The following TEAD4 variants were observed in gnomAD, a reference collection of about 807,000 sequenced individuals.
TEAD4 encodes TEA domain transcription factor 4.
A neutral mutation model predicts 52.4 loss-of-function variants in TEAD4; 36 were observed. That is an observed-to-expected ratio of 0.69 (90% CI 0.53 to 0.91). TEAD4 has a LOEUF of 0.91. TEAD4 is among the 40% of genes least tolerant of loss of function. The pLI is 0.00. For missense variants in TEAD4, 508 were observed against 583.9 expected (o/e 0.87, Z 1.34); for synonymous variants, 220 against 231.0 (o/e 0.95, Z 0.43).
intron 10 of TEAD4, among the ~76,000 whole-genome samples, chr12:3,034,661 A>G (rs2098278205): frequency 6.6e-6 from 1 of 152,246 alleles, no homozygotes; most frequent in African/African-American, 2.4e-5. Context: ...GCCCAGGCTC[A>G]GTGGCTCATT....
At chr12:3,011,324 G>A (rs1416364419) in intron 4 of TEAD4, among the ~76,000 whole-genome samples, 1 of 152,072 alleles carries the variant, frequency 6.6e-6, no homozygotes, top group Non-Finnish European at 1.5e-5. Flanking sequence ...TTCTCCTCCT[G>A]GGTTCAAGTG....
intron 3 of TEAD4, among the ~76,000 whole-genome samples, chr12:3,008,627 C>T (rs539234376): frequency 1.3e-5 from 2 of 152,132 alleles, no homozygotes; most frequent in East Asian, 3.9e-4. Flanking sequence ...CTGGAGGGTG[C>T]GGTGGTGCAC....
chr12:3,017,886 C>T (rs777100161), intron 6 of TEAD4, among the ~76,000 whole-genome samples: 73 of 152,320 alleles, frequency 4.8e-4, no homozygotes, highest in Non-Finnish European at 4.1e-4. Context: ...CTGGGCAGCT[C>T]GTGCCACGCA....
At chr12:3,031,608 G>A (rs1364131814) in intron 10 of TEAD4, among the ~76,000 whole-genome samples, 1 of 152,240 alleles carries the variant, frequency 6.6e-6, no homozygotes, top group African/African-American at 2.4e-5. Context: ...GGGCACTCCT[G>A]TTGGATACAT....
chr12:3,019,036 C>T (rs2098266690), intron 7 of TEAD4, 79 bp from the exon 8 acceptor site: 1 of 1,558,250 alleles, frequency 6.4e-7, no homozygotes, highest in Non-Finnish European at 8.8e-7. Flanking sequence ...ACCTACCACA[C>T]AGACCACTGG....
Position 2,997,806 on chromosome 12 carries a change from G to C in TEAD4, c.226+2814G>C, listed in dbSNP as rs897294986. Among the ~76,000 whole-genome samples, 18 of 83,230 alleles carry C rather than the reference G, an allele frequency of 2.2e-4. 1 individual carries two copies. In the African/African-American group the frequency reaches 2.5e-3, roughly 12 times the overall value. 54.6% of individuals were successfully genotyped at this position (83,230 alleles called of 152,430 possible). ...AAGGGCTTTGAGGACTTGCTTTTTC[G>C]GGGGGGGGGTGTGTGTGTGTTAAAA... On this transcript the variant is annotated intron_variant, in intron 3 of 12. Transcript: ENST00000359864.
intron 2 of TEAD4, among the ~76,000 whole-genome samples, chr12:2,992,340 T>C (rs1301515588): frequency 6.6e-6 from 1 of 152,090 alleles, no homozygotes; most frequent in Non-Finnish European, 1.5e-5. Flanking sequence ...TACGTGTCAG[T>C]GGCTCTAACC....
At chr12:2,976,034 C>G (rs1477701518) in intron 2 of TEAD4, among the ~76,000 whole-genome samples, 1 of 148,332 alleles carries the variant, frequency 6.7e-6, no homozygotes, top group Non-Finnish European at 1.5e-5. Flanking sequence ...GAGACAAAGT[C>G]TTGCTCTGTC....
intron 3 of TEAD4, among the ~76,000 whole-genome samples, chr12:3,003,642 G>A (rs1249769520): frequency 6.6e-6 from 1 of 152,166 alleles, no homozygotes; most frequent in African/African-American, 2.4e-5. Flanking sequence ...CTTCGCCCCC[G>A]GTGGGGTGGG....
At chr12:3,022,323 G>A (rs528991712) in intron 10 of TEAD4, among the ~76,000 whole-genome samples, 2 of 152,332 alleles carry the variant, frequency 1.3e-5, no homozygotes, top group South Asian at 2.1e-4. Context: ...AAAGACAAAC[G>A]GGACCCTGCG....
intron 3 of TEAD4, among the ~76,000 whole-genome samples, chr12:3,000,482 G>C (rs2098250778): frequency 6.6e-6 from 1 of 152,050 alleles, no homozygotes; most frequent in Non-Finnish European, 1.5e-5. Flanking sequence ...CTCGGAGACA[G>C]CCCCCAGTCC....
intron 2 of TEAD4, among the ~76,000 whole-genome samples, chr12:2,976,441 T>A (rs2098229775): frequency 6.6e-6 from 1 of 152,160 alleles, no homozygotes; most frequent in African/African-American, 2.4e-5. Context: ...CACGAACCTG[T>A]GGCAAAGCTG....
Position 3,027,738 on chromosome 12 carries a change from G to A in TEAD4, c.897+5721G>A, listed in dbSNP as rs150104115. Among the ~76,000 whole-genome samples, 469 of 152,276 alleles carry A rather than the reference G, an allele frequency of 3.1e-3. 1 individual carries two copies. Among genetic ancestry groups the A allele is most frequent in the African/African-American group, 0.011 (440 of 41,556 alleles). On this transcript the variant is annotated intron_variant, in intron 10 of 12. Coordinates refer to ENST00000359864, the MANE Select transcript of TEAD4 (RefSeq NM_003213.4). ...CAAAATTAGCCAGGCATGGTGGTGCGTGCCTGTAATCCAAGCTACTCAGGT... is the reference window on the plus strand; with the variant it reads ...CAAAATTAGCCAGGCATGGTGGTGCATGCCTGTAATCCAAGCTACTCAGGT...
chr12:3,019,591 A>G (rs574714011), intron 8 of TEAD4, among the ~76,000 whole-genome samples: 104 of 152,258 alleles, frequency 6.8e-4, no homozygotes, highest in African/African-American at 2.4e-3. Context: ...GTGGGAGAAG[A>G]CCTGGTGGAG....
At chr12:2,980,426 T>C (rs565384369) in intron 2 of TEAD4, among the ~76,000 whole-genome samples, 78 of 152,260 alleles carry the variant, frequency 5.1e-4, no homozygotes, top group Admixed American at 1.1e-3. Context: ...CCCTTCCTAT[T>C]GTCAACAGAA....
intron 5 of TEAD4, among the ~76,000 whole-genome samples, chr12:3,014,880 C>T (rs1012780421): frequency 1.9e-4 from 29 of 152,226 alleles, no homozygotes; most frequent in Non-Finnish European, 3.2e-4. Context: ...GCCCCGGCCT[C>T]GTGATGGAGT....
At chr12:2,977,492 G>A (rs1348396737) in intron 2 of TEAD4, among the ~76,000 whole-genome samples, 1 of 152,220 alleles carries the variant, frequency 6.6e-6, no homozygotes, top group African/African-American at 2.4e-5. Context: ...GAAGCCAGGT[G>A]TGATGAAGGC....
At position 2,994,900 on chromosome 12, in the gene TEAD4, C is replaced by T. The variant is rs143364899; in HGVS notation, c.134C>T (p.Pro45Leu). The T allele has an allele frequency of 1.2e-5, 19 of 1,614,034 alleles. No individual in the cohort carries two copies. In the African/African-American group the frequency reaches 1.2e-4, roughly 10 times the overall value. The change falls in exon 3 of 13, where the codon CCG (proline) becomes CTG (leucine). Residue 45 changes from proline (P) to leucine (L), a missense_variant. Pro to Leu is a moderately conservative substitution (Grantham distance 98). Transcript: ENST00000359864. The surrounding 1 kb of genome is among the most constrained non-coding windows in gnomAD (Gnocchi z 4.7). ...AATGACGCAGAGGGCGTGTGGAGCC[C>T]GGATATTGAGCAGAGTTTCCAGGAG...
At chr12:2,965,513 G>C (rs554782974) in intron 2 of TEAD4, among the ~76,000 whole-genome samples, 1 of 152,018 alleles carries the variant, frequency 6.6e-6, no homozygotes, top group Non-Finnish European at 1.5e-5. Flanking sequence ...GTTAATGTTG[G>C]TGTTTTCTTA....
Sources: allele counts gnomAD v4.1 joint callset (sites outside exome capture counted in the v4.1 genomes callset), GRCh38; gene constraint gnomAD v4.1.1; non-coding constraint Gnocchi (gnomAD v3.1); transcripts MANE v1.5; gene names NCBI Gene and HGNC (gene_info 2026-07-23, HGNC 2026-07-21).